The following CMSS1 variants were observed in gnomAD, a reference collection of about 807,000 sequenced individuals.
CMSS1 encodes the protein protein CMSS1.
Under a neutral mutation model 43.5 loss-of-function variants are expected in CMSS1, and 33 were observed. The observed-to-expected ratio is 0.76, with a 90% CI of 0.57 to 1.01. The LOEUF is 1.01. CMSS1 is among the 50% of genes least tolerant of loss of function. CMSS1 has a pLI of 0.00. For synonymous variants in CMSS1, 115 were observed against 117.2 expected (o/e 0.98, Z 0.12); for missense variants, 313 against 326.4 (o/e 0.96, Z 0.32).
intron 1 of CMSS1, among the ~76,000 whole-genome samples, chr3:99,914,647 G>A (rs1706896395): frequency 6.6e-6 from 1 of 152,122 alleles, no homozygotes; most frequent in African/African-American, 2.4e-5. Flanking sequence ...TTTACAGAAG[G>A]CAGTTTAGCT....
rs185851396 is a variant in CMSS1, at chr3:100,007,863, G to A, written c.65-139110G>A. Among the ~76,000 whole-genome samples the A allele has an allele frequency of 5.0e-3, 758 of 152,306 alleles. 5 individuals carry two copies. The highest frequency in any genetic ancestry group is 0.017 in the African/African-American group (716 of 41,582). On this transcript the variant is annotated intron_variant, in intron 1 of 9. Transcript: ENST00000421999. The stretch of plus-strand genomic sequence containing the variant: ...TACAGACAGGTGTCTATTGGTGTCT[G>A]TTAGTGAACAGATTCTTATAGTCTC...
At chr3:100,176,173 C>T (rs777844076) in intron 8 of CMSS1, 154 bp from the exon 9 acceptor site, 1 of 554,976 alleles carries the variant, frequency 1.8e-6, no homozygotes, top group South Asian at 2.4e-5. Flanking sequence ...ATTTGTTTTC[C>T]ATCAGGGAAG....
At chr3:99,915,585 T>A (rs2107644176) in intron 1 of CMSS1, among the ~76,000 whole-genome samples, 1 of 152,152 alleles carries the variant, frequency 6.6e-6, no homozygotes, top group Middle Eastern at 3.4e-3. Context: ...TCTGTTTCTC[T>A]AAGTAGAGTG....
chr3:100,059,923 T>C (rs1056424169), intron 1 of CMSS1, among the ~76,000 whole-genome samples: 2 of 152,072 alleles, frequency 1.3e-5, no homozygotes, highest in African/African-American at 4.8e-5. Flanking sequence ...GCCTCCAGTC[T>C]GGGGAGTTCT....
chr3:99,941,238 G>T (rs1362831717), intron 1 of CMSS1, among the ~76,000 whole-genome samples: 2 of 151,668 alleles, frequency 1.3e-5, no homozygotes, highest in Non-Finnish European at 2.9e-5. Flanking sequence ...TCAATCTACT[G>T]ATGAAAAAAC....
At chr3:99,983,401 T>C (rs1210840400) in intron 1 of CMSS1, among the ~76,000 whole-genome samples, 1 of 109,184 alleles carries the variant, frequency 9.2e-6, no homozygotes, top group African/African-American at 3.9e-5. Context: ...TATATATATA[T>C]ATATATATAT....
chr3:99,945,451 A>G (rs2107681538), intron 1 of CMSS1, among the ~76,000 whole-genome samples: 1 of 152,304 alleles, frequency 6.6e-6, no homozygotes, highest in East Asian at 1.9e-4. Flanking sequence ...GAAAGCACCC[A>G]GGGCAGCCAA....
At chr3:99,930,159 CT>C in intron 1 of CMSS1, 1 of 758,400 alleles carries the variant, frequency 1.3e-6, no homozygotes, top group Non-Finnish European at 2.1e-6. Context: ...CATTTTCACA[CT>C]TTTATAAAAG....
At chr3:99,910,256 A>G (rs1706749105) in intron 1 of CMSS1, among the ~76,000 whole-genome samples, 1 of 136,818 alleles carries the variant, frequency 7.3e-6, no homozygotes, top group African/African-American at 2.5e-5. Context: ...AACTTCATCC[A>G]GTGAGTATGT....
At chr3:99,983,449 T>C (rs1372210113) in intron 1 of CMSS1, among the ~76,000 whole-genome samples, 157 of 8,582 alleles carry the variant, frequency 0.018, 2 homozygotes, top group African/African-American at 0.067. Flanking sequence ...TATGTATGTA[T>C]ATATATATAT....
chr3:100,007,309 T>C (rs1710016093), intron 1 of CMSS1, among the ~76,000 whole-genome samples: 1 of 152,214 alleles, frequency 6.6e-6, no homozygotes. Flanking sequence ...CCTGAAATTT[T>C]TATTTGACTA....
intron 1 of CMSS1, chr3:99,850,976 T>G: frequency 2.5e-6 from 4 of 1,614,156 alleles, no homozygotes; most frequent in Non-Finnish European, 3.4e-6. Flanking sequence ...GACTTCAGCT[T>G]GGTCAGCTCC....
At chr3:100,115,010 A>T (rs1322885365) in intron 1 of CMSS1, 2 of 1,498,826 alleles carry the variant, frequency 1.3e-6, no homozygotes, top group Non-Finnish European at 1.8e-6. Context: ...TATGTTTATT[A>T]TTATTATTTG....
rs143565559 is a variant in CMSS1 at position 100,171,925 on chromosome 3, A to C, written c.579+26A>C. On this transcript the variant is annotated intron_variant, in intron 7 of 9. Transcript: ENST00000421999. Reference sequence around the variant, plus strand: ...GTAAGCAAGGGCCTGTGTGATCCCTAAAGGCCTCTCCCAGACCTCAGCTTT... The same window carrying C: ...GTAAGCAAGGGCCTGTGTGATCCCTCAAGGCCTCTCCCAGACCTCAGCTTT... The C allele has an allele frequency of 3.5e-4, 561 of 1,584,646 alleles. No individual in the cohort carries two copies. In the African/African-American group the frequency reaches 5.9e-3, roughly 17 times the overall value.
At chr3:100,083,767 G>T (rs1230393997) in intron 1 of CMSS1, among the ~76,000 whole-genome samples, 1 of 152,026 alleles carries the variant, frequency 6.6e-6, no homozygotes, top group African/African-American at 2.4e-5. Context: ...AGAGAAGGGG[G>T]TCTCCCTATG....
intron 1 of CMSS1, among the ~76,000 whole-genome samples, chr3:100,133,658 AC>A (rs1436407447): frequency 1.3e-5 from 2 of 152,022 alleles, no homozygotes; most frequent in Admixed American, 6.6e-5. Context: ...GCGTTATCTC[AC>A]CCCCATCACG....
At chr3:99,872,269 CTG>C (rs55727823) in intron 1 of CMSS1, among the ~76,000 whole-genome samples, 15,516 of 110,408 alleles carry the variant, frequency 0.14, 773 homozygotes, top group Admixed American at 0.17. Flanking sequence ...TGTGCCAGGA[CTG>C]TGTGTGTGTG....
chr3:99,902,346 A>T (rs1237351167), intron 1 of CMSS1, among the ~76,000 whole-genome samples: 2 of 152,174 alleles, frequency 1.3e-5, no homozygotes, highest in African/African-American at 4.8e-5. Context: ...GTTGAATTGA[A>T]CTGAATTGAA....
intron 1 of CMSS1, among the ~76,000 whole-genome samples, chr3:100,115,607 CTCTCTCTCTCTCTCTCTCTCTG>C (rs1559762603): frequency 2.8e-5 from 3 of 105,598 alleles, no homozygotes; most frequent in African/African-American, 8.8e-5. Context: ...CTCTCTCTCT[CTCTCTCTCTCTCTCTCTCTCTG>C]TCTCTCTCTC....
Sources: gnomAD v4.1 joint callset for allele counts (sites outside exome capture counted in the v4.1 genomes callset) on GRCh38, gnomAD v4.1.1 for gene constraint, MANE v1.5 for transcripts, NCBI Gene and HGNC (gene_info 2026-07-23, HGNC 2026-07-21) for gene names.